CDC42SE2: variants seen among roughly 807,000 people sequenced by gnomAD.
The protein encoded by CDC42SE2 is CDC42 small effector protein 2.
Under a neutral mutation model 11.5 loss-of-function variants are expected in CDC42SE2, and 3 were observed. The ratio of observed to expected loss-of-function variants is 0.26; its 90% confidence interval spans 0.12 to 0.67. The LOEUF (loss-of-function observed/expected upper bound fraction) is 0.67, where lower values mean the gene tolerates loss of function less well. Ranked by LOEUF, CDC42SE2 falls within the 30% of genes least tolerant of loss-of-function variation. The pLI is 0.80. For missense variants in CDC42SE2, 82 were observed against 106.8 expected (o/e 0.77, Z 1.02); for synonymous variants, 33 against 34.8 (o/e 0.95, Z 0.18).
chr5:131,389,960 T>C (rs1006766031), intron 4 of CDC42SE2, among the ~76,000 whole-genome samples: 1 of 152,250 alleles, frequency 6.6e-6, no homozygotes, highest in African/African-American at 2.4e-5. Context: ...ACTGGAATAA[T>C]AATGATATGC....
chr5:131,232,751 A>AC, the CDC42SE2 span, among the ~76,000 whole-genome samples: 2 of 150,062 alleles, frequency 1.3e-5, no homozygotes, highest in Non-Finnish European at 3.0e-5. Context: ...AAAAAAAAAA[A>AC]AAAACAAAAC....
the CDC42SE2 span, among the ~76,000 whole-genome samples, chr5:131,234,819 A>G: frequency 2.6e-5 from 4 of 152,088 alleles, no homozygotes; most frequent in Non-Finnish European, 5.9e-5. Context: ...AGTTTAGAAG[A>G]AATAATTTGT....
upstream of CDC42SE2, chr5:131,263,519 C>G (rs898459511): frequency 6.6e-6 from 1 of 152,162 alleles, no homozygotes; most frequent in African/African-American, 2.4e-5. Context: ...AGCCTTAAAC[C>G]AGTTAATGAC....
chr5:131,226,098 C>T, the CDC42SE2 span, among the ~76,000 whole-genome samples: 1 of 152,070 alleles, frequency 6.6e-6, no homozygotes, highest in Non-Finnish European at 1.5e-5. Flanking sequence ...ATCAACTGGC[C>T]CTGTTTAATT....
chr5:131,377,830 A>T (rs1750200655), intron 3 of CDC42SE2, among the ~76,000 whole-genome samples: 1 of 152,248 alleles, frequency 6.6e-6, no homozygotes, highest in Non-Finnish European at 1.5e-5. Context: ...ACTTCATTAG[A>T]ATTGGCATTA....
At chr5:131,232,180 C>T in the CDC42SE2 span, among the ~76,000 whole-genome samples, 1 of 151,954 alleles carries the variant, frequency 6.6e-6, no homozygotes, top group East Asian at 1.9e-4. Context: ...GTGGCTTGAT[C>T]TCGGCTTACT....
intron 3 of CDC42SE2, among the ~76,000 whole-genome samples, chr5:131,371,044 TG>T (rs1422255855): frequency 3.9e-5 from 6 of 152,194 alleles, no homozygotes; most frequent in Admixed American, 3.9e-4. Flanking sequence ...AAAATGTTTT[TG>T]CTGATATGTA....
At chr5:131,345,253 T>A (rs750132091) in intron 2 of CDC42SE2, among the ~76,000 whole-genome samples, 4 of 151,992 alleles carry the variant, frequency 2.6e-5, no homozygotes, top group Non-Finnish European at 5.9e-5. Flanking sequence ...GCTAAAAACC[T>A]TGAAAAAAGA....
rs191886794 is a variant in CDC42SE2, at chr5:131,287,125, G to C, written c.-455+22959G>C. ...TTCTCGTGCCTCAGTCTCCCAAGTA[G>C]CTGGGATTATAGGGGCCCGCCACCA... On this transcript the variant is annotated intron_variant, in intron 1 of 4. Coordinates refer to ENST00000505065, the MANE Select transcript of CDC42SE2 (RefSeq NM_001375635.1). Among the ~76,000 whole-genome samples the C allele has an allele frequency of 4.1e-3, 629 of 152,244 alleles. 4 individuals carry two copies. The highest frequency in any genetic ancestry group is 0.013 in the African/African-American group (545 of 41,546).
intron 2 of CDC42SE2, among the ~76,000 whole-genome samples, chr5:131,337,616 C>G (rs1173330753): frequency 6.6e-6 from 1 of 152,228 alleles, no homozygotes; most frequent in South Asian, 2.1e-4. Context: ...GTGGGCTCCA[C>G]CCAGTTCGAG....
upstream of CDC42SE2, among the ~76,000 whole-genome samples, chr5:131,262,414 T>TA (rs34214992): frequency 0.44 from 66,830 of 151,644 alleles, 19,171 homozygotes; most frequent in African/African-American, 0.82. Context: ...AAATTTAAAA[T>TA]AAAAAAAATT....
At chr5:131,291,786 G>A (rs1040274838) in intron 1 of CDC42SE2, among the ~76,000 whole-genome samples, 3 of 151,992 alleles carry the variant, frequency 2.0e-5, no homozygotes, top group Admixed American at 2.0e-4. Context: ...AACACCACCC[G>A]GGACTCATCA....
Position 131,392,683 on chromosome 5 carries a change from T to G in CDC42SE2, c.*1592T>G, listed in dbSNP as rs1048649157. On this transcript the variant is annotated 3_prime_UTR_variant, in exon 5 of 5. Transcript: ENST00000505065. The stretch of plus-strand genomic sequence containing the variant: ...ATGTATCTGAGTGTTGCGGTCATAC[T>G]CTCCTCCAGTCCAATCCTGAGCATC... The G allele has an allele frequency of 2.0e-5, 3 of 152,378 alleles. No homozygotes were observed. The highest frequency in any genetic ancestry group is 4.4e-5 in the Non-Finnish European group (3 of 68,050). 9.4% of individuals were successfully genotyped at this position (152,378 alleles called of 1,614,324 possible). A position where few individuals can be genotyped will look rare whatever the true frequency, so the allele number is the denominator to read the frequency against.
At chr5:131,332,768 T>C (rs1218604917) in intron 2 of CDC42SE2, among the ~76,000 whole-genome samples, 2 of 152,238 alleles carry the variant, frequency 1.3e-5, no homozygotes, top group African/African-American at 4.8e-5. Flanking sequence ...AATGTCTTCT[T>C]TTGAAAAGTG....
intron 1 of CDC42SE2, among the ~76,000 whole-genome samples, chr5:131,280,001 A>G (rs1319923182): frequency 2.6e-5 from 4 of 152,178 alleles, no homozygotes; most frequent in South Asian, 4.1e-4. Context: ...TAGGATGTCA[A>G]GGCTTCAGTG....
chr5:131,250,561 A>T (rs1354791413), intron 1 of CDC42SE2, among the ~76,000 whole-genome samples: 2 of 152,202 alleles, frequency 1.3e-5, no homozygotes, highest in Admixed American at 6.5e-5. Flanking sequence ...GTTGCCAGGG[A>T]CTGTGGAGCC....
chr5:131,271,654 T>C (rs917312286), intron 1 of CDC42SE2, among the ~76,000 whole-genome samples: 1 of 152,208 alleles, frequency 6.6e-6, no homozygotes, highest in Non-Finnish European at 1.5e-5. Context: ...ACAGTACTTC[T>C]GTATGTCTGC....
upstream of CDC42SE2, among the ~76,000 whole-genome samples, chr5:131,240,509 A>G (rs912457161): frequency 4.6e-5 from 7 of 152,228 alleles, no homozygotes; most frequent in Non-Finnish European, 1.0e-4. Context: ...TAAACAAACA[A>G]ACAAACAAAA....
intron 4 of CDC42SE2, among the ~76,000 whole-genome samples, chr5:131,387,774 C>T (rs1750530827): frequency 1.3e-5 from 2 of 152,250 alleles, no homozygotes; most frequent in South Asian, 4.1e-4. Flanking sequence ...TGAGATGGGA[C>T]TTTAGCTGTG....
Sources: allele counts gnomAD v4.1 joint callset (sites outside exome capture counted in the v4.1 genomes callset), GRCh38; gene constraint gnomAD v4.1.1; transcripts MANE v1.5; gene names NCBI Gene and HGNC (gene_info 2026-07-23, HGNC 2026-07-21).